The following CBLB variants were observed in gnomAD, a reference collection of about 807,000 sequenced individuals.
CBLB encodes the protein E3 ubiquitin-protein ligase CBL-B.
In CBLB, 31 loss-of-function variants were observed where a neutral mutation model predicts 104.9. That is an observed-to-expected ratio of 0.30 (90% CI 0.22 to 0.40). CBLB has a LOEUF of 0.40. CBLB is among the 10% of genes least tolerant of loss of function. The pLI, the probability that CBLB is intolerant of heterozygous loss-of-function variation, is 1.00. For missense variants in CBLB, 1,062 were observed against 1,214.6 expected (o/e 0.87, Z 1.87); for synonymous variants, 440 against 422.6 (o/e 1.04, Z -0.51).
At chr3:105,747,188 G>A (rs2076183775) in intron 5 of CBLB, among the ~76,000 whole-genome samples, 1 of 152,112 alleles carries the variant, frequency 6.6e-6, no homozygotes, top group South Asian at 2.1e-4. Flanking sequence ...TTTTAAGGCT[G>A]ACGCTACATT....
chr3:105,813,089 T>C (rs1038221442), intron 3 of CBLB, among the ~76,000 whole-genome samples: 17 of 152,114 alleles, frequency 1.1e-4, no homozygotes, highest in Admixed American at 3.9e-4. Context: ...ACCTAAACTA[T>C]GGCTTAGATA....
At chr3:105,685,526 G>C in intron 13 of CBLB, 60 bp from the exon 14 acceptor site, 1 of 1,361,658 alleles carries the variant, frequency 7.3e-7, no homozygotes, top group East Asian at 2.4e-5. Flanking sequence ...AGGCAAGTCT[G>C]ATGTGACATA....
intron 4 of CBLB, among the ~76,000 whole-genome samples, chr3:105,754,427 T>C (rs1251230449): frequency 2.0e-5 from 3 of 148,530 alleles, no homozygotes; most frequent in African/African-American, 7.5e-5. Flanking sequence ...AAAATATCAA[T>C]AGCAAATTGT....
chr3:105,866,201 T>C (rs1401467483), intron 2 of CBLB, among the ~76,000 whole-genome samples: 7 of 152,222 alleles, frequency 4.6e-5, no homozygotes, highest in Admixed American at 3.9e-4. Context: ...CCATTGCCTG[T>C]AGAATGACAG....
At chr3:105,836,570 C>T (rs1035569932) in intron 3 of CBLB, among the ~76,000 whole-genome samples, 1 of 152,088 alleles carries the variant, frequency 6.6e-6, no homozygotes, top group African/African-American at 2.4e-5. Context: ...AAAACTATTT[C>T]ACAAATATTT....
chr3:105,663,452 A>G (rs937413538), intron 18 of CBLB, among the ~76,000 whole-genome samples: 1 of 152,114 alleles, frequency 6.6e-6, no homozygotes, highest in Non-Finnish European at 1.5e-5. Flanking sequence ...AACAGGCTTC[A>G]GATGTGCCTA....
chr3:105,755,667 T>C (rs1336397989), intron 4 of CBLB, among the ~76,000 whole-genome samples: 1 of 152,180 alleles, frequency 6.6e-6, no homozygotes. Flanking sequence ...TGTATACTAC[T>C]GGTGTGAATG....
intron 3 of CBLB, among the ~76,000 whole-genome samples, chr3:105,803,378 G>A (rs936511738): frequency 3.9e-5 from 6 of 152,056 alleles, no homozygotes; most frequent in Non-Finnish European, 5.9e-5. Flanking sequence ...ATTCTCCTCC[G>A]TAAGTGCTAT....
intron 4 of CBLB, among the ~76,000 whole-genome samples, chr3:105,767,429 A>G (rs1270060581): frequency 6.6e-6 from 1 of 152,106 alleles, no homozygotes; most frequent in African/African-American, 2.4e-5. Context: ...CAGGAAATCA[A>G]TCATAGAGGC....
Position 105,693,545 on chromosome 3 carries a change from G to A in CBLB, c.2003C>T (p.Pro668Leu), listed in dbSNP as rs776729407. Residue 668 changes from proline (P) to leucine (L), a missense_variant, in exon 13 of 19, where the codon CCT becomes CTT. Coordinates refer to ENST00000394030, the MANE Select transcript of CBLB (RefSeq NM_170662.5). Reference sequence around the variant, plus strand: ...TGGAGGAGGAGGAGAAAGCCGGGGAGGAACATCATATTCTTCACTTCCAAG... The same window carrying A: ...TGGAGGAGGAGGAGAAAGCCGGGGAAGAACATCATATTCTTCACTTCCAAG... ...GHLGSEEYDV[P>L]PRLSPPPPVT... 6.2e-7 allele frequency: 1 copy of A among 1,612,634 alleles called. No individual in the cohort carries two copies.
At chr3:105,789,137 A>T (rs986471962) in intron 3 of CBLB, among the ~76,000 whole-genome samples, 1 of 152,232 alleles carries the variant, frequency 6.6e-6, no homozygotes, top group Non-Finnish European at 1.5e-5. Flanking sequence ...TACAGCAATA[A>T]ATAATTAGCT....
At chr3:105,764,549 C>T (rs543510401) in intron 4 of CBLB, among the ~76,000 whole-genome samples, 13 of 152,274 alleles carry the variant, frequency 8.5e-5, no homozygotes, top group Non-Finnish European at 1.8e-4. Context: ...TCTCTTTTCT[C>T]TCTCCCTCTC....
At chr3:105,748,563 A>C (rs1051758315) in intron 5 of CBLB, among the ~76,000 whole-genome samples, 1 of 152,162 alleles carries the variant, frequency 6.6e-6, no homozygotes, top group Non-Finnish European at 1.5e-5. Flanking sequence ...GAGAAGCAAA[A>C]TCCCTATAAT....
At chr3:105,727,019 G>A (rs2073742566) in intron 9 of CBLB, among the ~76,000 whole-genome samples, 1 of 152,192 alleles carries the variant, frequency 6.6e-6, no homozygotes. Flanking sequence ...ACATACATGT[G>A]AATGTGTCTT....
At chr3:105,806,510 G>A (rs1221385929) in intron 3 of CBLB, among the ~76,000 whole-genome samples, 1 of 146,480 alleles carries the variant, frequency 6.8e-6, no homozygotes, top group Non-Finnish European at 1.5e-5. Context: ...AATTGTGTGA[G>A]ATCCCTATCT....
intron 12 of CBLB, among the ~76,000 whole-genome samples, chr3:105,695,011 C>T (rs761913749): frequency 2.6e-5 from 4 of 151,802 alleles, no homozygotes; most frequent in African/African-American, 7.2e-5. Context: ...TATCAAACCA[C>T]AAACGCTCAT....
At chr3:105,690,375 C>A (rs2067523710) in intron 13 of CBLB, among the ~76,000 whole-genome samples, 1 of 152,120 alleles carries the variant, frequency 6.6e-6, no homozygotes, top group Non-Finnish European at 1.5e-5. Context: ...TCTTGACTCA[C>A]TGTTATTGTC....
intron 12 of CBLB, among the ~76,000 whole-genome samples, chr3:105,697,336 G>T (rs1443471677): frequency 6.6e-6 from 1 of 151,832 alleles, no homozygotes; most frequent in Admixed American, 6.6e-5. Context: ...AGTGTAAAAT[G>T]TTTTCTTGTG....
chr3:105,776,866 T>C (rs143195278), intron 3 of CBLB, among the ~76,000 whole-genome samples: 1 of 152,076 alleles, frequency 6.6e-6, no homozygotes, highest in East Asian at 1.9e-4. Context: ...TAATCAAATA[T>C]AAATGGTAAA....
Sources: allele counts gnomAD v4.1 joint callset (sites outside exome capture counted in the v4.1 genomes callset), GRCh38; gene constraint gnomAD v4.1.1; transcripts MANE v1.5; gene names NCBI Gene and HGNC (gene_info 2026-07-23, HGNC 2026-07-21).